SPTBN1: variants seen among roughly 807,000 people sequenced by gnomAD.
The protein encoded by SPTBN1 is spectrin beta chain, non-erythrocytic 1.
In SPTBN1, 32 loss-of-function variants were observed where a neutral mutation model predicts 266.4. The ratio of observed to expected loss-of-function variants is 0.12; its 90% CI spans 0.09 to 0.16. SPTBN1 has a LOEUF of 0.16. Ranked by LOEUF, SPTBN1 falls within the 10% of genes least tolerant of loss-of-function variation. The pLI, the probability that SPTBN1 is intolerant of heterozygous loss-of-function variation, is 1.00. For synonymous variants in SPTBN1, 1,336 were observed against 1,162.2 expected, an observed-to-expected ratio of 1.15 and a Z score of -3.04; for missense variants, 2,296 against 3,067.1, an observed-to-expected ratio of 0.75 and a Z score of 5.94.
intron 2 of SPTBN1, among the ~76,000 whole-genome samples, chr2:54,565,997 G>A (rs1433780987): frequency 6.6e-6 from 1 of 152,118 alleles, no homozygotes. Context: ...AGAGCATTAA[G>A]TTTTTAGTTA....
intron 32 of SPTBN1, chr2:54,660,489 T>C: frequency 1.0e-6 from 1 of 988,280 alleles, no homozygotes; most frequent in Non-Finnish European, 1.2e-6. Context: ...CCTATAGTAG[T>C]TTACTATTAA....
chr2:54,496,796 G>A (rs1055604298), intron 1 of SPTBN1, among the ~76,000 whole-genome samples: 2 of 152,180 alleles, frequency 1.3e-5, no homozygotes, highest in Non-Finnish European at 2.9e-5. Flanking sequence ...CTCTGTACAA[G>A]GTTGATGGGA....
intron 1 of SPTBN1, chr2:54,516,036 A>T (rs1670093753): frequency 6.6e-6 from 1 of 152,140 alleles, no homozygotes; most frequent in Non-Finnish European, 1.5e-5. Context: ...TTAGACTTTG[A>T]TGCAGGTCAT....
intron 2 of SPTBN1, among the ~76,000 whole-genome samples, chr2:54,588,708 G>A (rs1322179872): frequency 1.3e-5 from 2 of 152,174 alleles, no homozygotes. Flanking sequence ...CCTGACTGCA[G>A]TTCCCATCCT....
chr2:54,475,911 C>G (rs35028480), intron 1 of SPTBN1, among the ~76,000 whole-genome samples: 18,898 of 152,230 alleles, frequency 0.12, 1,393 homozygotes, highest in Non-Finnish European at 0.17. Flanking sequence ...TTTTAATTCA[C>G]TGCTCTTTAG....
At chr2:54,503,090 G>A (rs1354490189) in intron 1 of SPTBN1, among the ~76,000 whole-genome samples, 3 of 152,200 alleles carry the variant, frequency 2.0e-5, no homozygotes, top group Non-Finnish European at 2.9e-5. Flanking sequence ...GGTGATCCCT[G>A]TGTTTAAAAA....
intron 10 of SPTBN1, among the ~76,000 whole-genome samples, chr2:54,623,962 C>T (rs1558438980): frequency 6.6e-6 from 1 of 152,168 alleles, no homozygotes; most frequent in Non-Finnish European, 1.5e-5. Flanking sequence ...AGTTGTGGGG[C>T]TTAGGATGTT....
chr2:54,667,468 G>T, intron 34 of SPTBN1, 136 bp from the exon 35 acceptor site: 3 of 728,456 alleles, frequency 4.1e-6, no homozygotes, highest in Non-Finnish European at 4.5e-6. Context: ...CCCCAGGCTT[G>T]GTGGTGACAT....
In SPTBN1 at chr2:54,558,978, T is replaced by G. The variant is rs1673083185; in HGVS notation, c.148+32412T>G. The G allele has an allele frequency of 1.4e-6, 2 of 1,467,596 alleles. No homozygotes were observed. The highest frequency in any genetic ancestry group is 1.4e-5 in the African/African-American group (1 of 70,760). The allele number at this position is 1,467,596 out of a possible 1,614,324, so 90.9% of individuals were successfully genotyped here. A position where few individuals can be genotyped will look rare whatever the true frequency, so the allele number is the denominator to read the frequency against. ...GTGACCCTAATGAAGACGGGCGGCT[T>G]CACAGCTCGGCCCCAGACCCTGTGG... On this transcript the variant is annotated intron_variant, in intron 2 of 35. Transcript: ENST00000356805. This position sits in a 1 kb window ranked among gnomAD's most constrained non-coding sequence, Gnocchi z 4.6.
chr2:54,584,695 G>A lies in SPTBN1; in HGVS notation c.149-14397G>A, dbSNP rs1417891287. 2.6e-5 allele frequency among the ~76,000 whole-genome samples: 4 copies of A among 152,156 alleles called. No homozygotes were observed. In the East Asian group the frequency reaches 7.7e-4, roughly 29 times the overall value. ...TTATTATCTTTATGGAGGCTGTTGA[G>A]AAGCAGCCAAGGTCATTATTAAACA... On this transcript the variant is annotated intron_variant, in intron 2 of 35. Transcript: ENST00000356805.
At chr2:54,495,587 C>G (rs1016792856) in intron 1 of SPTBN1, among the ~76,000 whole-genome samples, 12 of 151,772 alleles carry the variant, frequency 7.9e-5, no homozygotes, top group African/African-American at 4.8e-5. Context: ...ATCCCACCAC[C>G]CAGTGCTAAA....
At chr2:54,492,044 A>T (rs1051147480) in intron 1 of SPTBN1, among the ~76,000 whole-genome samples, 9 of 152,208 alleles carry the variant, frequency 5.9e-5, no homozygotes, top group African/African-American at 2.2e-4. Flanking sequence ...TTTTAACAAG[A>T]GACCTCAAGA....
rs772831584 is a variant in SPTBN1 at position 54,664,485 on chromosome 2, C to T, written c.6453C>T (p.Val2151=). The T allele has an allele frequency of 6.2e-7, 1 of 1,613,782 alleles. No homozygotes were observed. Among genetic ancestry groups the T allele is most frequent in the Non-Finnish European group, 8.5e-7 (1 of 1,179,742 alleles). The part of the protein sequence containing the change: ...MAETVDTSEM[V]NGATEQRTSS... ...AAACGGTGGACACAAGCGAAATGGT[C>T]AACGGCGCTACAGAACAAAGGACGA... Residue 2151 remains valine, a synonymous_variant, in exon 33 of 36, where the codon GTC becomes GTT. Coordinates refer to ENST00000356805, the MANE Select transcript of SPTBN1 (RefSeq NM_003128.3). The surrounding 1 kb of genome is among the most constrained non-coding windows in gnomAD (Gnocchi z 5.6).
intron 3 of SPTBN1, among the ~76,000 whole-genome samples, chr2:54,610,790 C>T (rs1025402166): frequency 3.3e-5 from 5 of 152,188 alleles, no homozygotes; most frequent in Admixed American, 2.0e-4. Flanking sequence ...GGGAGTACTT[C>T]CAGCATCACT....
chr2:54,645,408 C>G lies in SPTBN1; in HGVS notation c.4449C>G (p.Ala1483=). ...PLNERKHNLL[A]SKEIHQFNRD... ...ACGAGAGGAAGCATAACCTGCTGGC[C>G]TCCAAAGAGATCCATCAGTTCAACA... Residue 1483 remains alanine, a synonymous_variant, in exon 21 of 36, where the codon GCC becomes GCG. Coordinates refer to ENST00000356805, the MANE Select transcript of SPTBN1 (RefSeq NM_003128.3). The surrounding 1 kb of genome is among the most constrained non-coding windows in gnomAD (Gnocchi z 4.3). 1 of 1,614,144 alleles carries G rather than the reference C, an allele frequency of 6.2e-7. No individual in the cohort carries two copies. The highest frequency in any genetic ancestry group is 1.7e-5 in the Admixed American group (1 of 60,022).
chr2:54,490,494 C>T (rs759251238), intron 1 of SPTBN1, among the ~76,000 whole-genome samples: 7 of 152,164 alleles, frequency 4.6e-5, no homozygotes, highest in Non-Finnish European at 1.0e-4. Flanking sequence ...GAAATTTGAA[C>T]AATCTTGAAA....
chr2:54,481,132 C>A (rs1668073149), intron 1 of SPTBN1, among the ~76,000 whole-genome samples: 1 of 151,568 alleles, frequency 6.6e-6, no homozygotes, highest in South Asian at 2.1e-4. Context: ...CAAACAAAAT[C>A]CACATCTCTA....
chr2:54,662,851 C>G (rs1258665323), intron 32 of SPTBN1: 1 of 152,194 alleles, frequency 6.6e-6, no homozygotes, highest in Admixed American at 6.5e-5. Context: ...CTGTCACTTG[C>G]AAGGCCTTGG....
At chr2:54,499,234 T>G (rs962161322) in intron 1 of SPTBN1, among the ~76,000 whole-genome samples, 1 of 152,238 alleles carries the variant, frequency 6.6e-6, no homozygotes, top group African/African-American at 2.4e-5. Flanking sequence ...TGTTTTAATT[T>G]TTTTCTCCTT....
Sources: allele counts gnomAD v4.1 joint callset (sites outside exome capture counted in the v4.1 genomes callset), GRCh38; gene constraint gnomAD v4.1.1; non-coding constraint Gnocchi (gnomAD v3.1); transcripts MANE v1.5; gene names NCBI Gene and HGNC (gene_info 2026-07-23, HGNC 2026-07-21).